The following ATXN7 variants were observed in gnomAD, a reference collection of about 807,000 sequenced individuals.
The protein encoded by ATXN7 is ataxin-7.
Under a neutral mutation model 70.5 loss-of-function variants are expected in ATXN7, and 12 were observed. The observed-to-expected ratio is 0.17, with a 90% CI of 0.11 to 0.28. The LOEUF (loss-of-function observed/expected upper bound fraction) is 0.28, where lower values mean the gene tolerates loss of function less well. Ranked by LOEUF, ATXN7 falls within the 10% of genes least tolerant of loss-of-function variation. The pLI is 1.00. For synonymous variants in ATXN7, 498 were observed against 448.7 expected (o/e 1.11, Z -1.39); for missense variants, 1,256 against 1,131.7 (o/e 1.11, Z -1.58).
At chr3:63,885,065 A>T (rs1575846470) in intron 1 of ATXN7, among the ~76,000 whole-genome samples, 1 of 152,280 alleles carries the variant, frequency 6.6e-6, no homozygotes, top group East Asian at 1.9e-4. Context: ...CTGGGCAGTG[A>T]CTTTTTGGAT....
At chr3:63,982,113 C>G (rs1366173649) in intron 6 of ATXN7, 73 bp from the exon 7 acceptor site, 1 of 1,597,856 alleles carries the variant, frequency 6.3e-7, no homozygotes, top group African/African-American at 1.3e-5. Flanking sequence ...TATCCTCATC[C>G]CTCTGGCTCA....
At chr3:63,951,744 A>G (rs2106657025) in intron 4 of ATXN7, among the ~76,000 whole-genome samples, 1 of 152,270 alleles carries the variant, frequency 6.6e-6, no homozygotes, top group South Asian at 2.1e-4. Context: ...TACTGTTAAA[A>G]CAAACAAACA....
chr3:64,002,191 T>C lies in ATXN7; in HGVS notation c.*2724T>C, dbSNP rs541274040. The C allele has an allele frequency of 4.6e-5, 7 of 152,696 alleles. No homozygotes were observed. The East Asian group carries it at 5.8e-4, about 13-fold the overall frequency. 9.5% of individuals were successfully genotyped at this position (152,696 alleles called of 1,614,324 possible). On this transcript the variant is annotated 3_prime_UTR_variant, in exon 13 of 13. Coordinates refer to ENST00000674280, the MANE Select transcript of ATXN7 (RefSeq NM_001377405.1). ...TTTGCACAGGTCTTTTTTTCTGATATCCTGTTTTGGTACAATTGAGATCAT... is the reference window on the plus strand; with the variant it reads ...TTTGCACAGGTCTTTTTTTCTGATACCCTGTTTTGGTACAATTGAGATCAT...
chr3:63,915,103 A>T (rs1704211132), intron 4 of ATXN7, among the ~76,000 whole-genome samples: 1 of 151,984 alleles, frequency 6.6e-6, no homozygotes, highest in Non-Finnish European at 1.5e-5. Flanking sequence ...CACCCAGCTA[A>T]TTTTTTGTGT....
intron 5 of ATXN7, among the ~76,000 whole-genome samples, chr3:63,955,306 C>T (rs560605938): frequency 2.0e-5 from 3 of 152,258 alleles, no homozygotes. Flanking sequence ...GCCAAGTGCT[C>T]TGAGAGAGGG....
rs562259734 is a variant in ATXN7 at position 63,899,347 on chromosome 3, C to T, written c.-12+850C>T. The stretch of plus-strand genomic sequence containing the variant: ...AAAGTGGTGGGATTTCAGGCATGAG[C>T]CACCAACGCCTGGCACATTAATGTT... On this transcript the variant is annotated intron_variant, in intron 2 of 12. Coordinates refer to ENST00000674280, the MANE Select transcript of ATXN7 (RefSeq NM_001377405.1). Among the ~76,000 whole-genome samples the T allele has an allele frequency of 2.5e-4, 38 of 152,228 alleles. 1 individual carries two copies. In the South Asian group the frequency reaches 7.7e-3, roughly 31 times the overall value.
chr3:63,993,162 A>G lies in ATXN7; in HGVS notation c.1682+2303A>G, dbSNP rs528155826. 6.2e-4 allele frequency among the ~76,000 whole-genome samples: 95 copies of G among 152,204 alleles called. 1 individual carries two copies. The highest frequency in any genetic ancestry group is 1.0e-4 in the Non-Finnish European group (7 of 68,016). On this transcript the variant is annotated intron_variant, in intron 11 of 12. Coordinates refer to ENST00000674280, the MANE Select transcript of ATXN7 (RefSeq NM_001377405.1). ...CAGCATGGCCATAACCTGAAAGGCCACTGCCCACCTTCTATGATTTCTGTG... is the reference window on the plus strand; with the variant it reads ...CAGCATGGCCATAACCTGAAAGGCCGCTGCCCACCTTCTATGATTTCTGTG...
At chr3:63,985,669 T>A (rs2075565779) in intron 8 of ATXN7, among the ~76,000 whole-genome samples, 1 of 152,206 alleles carries the variant, frequency 6.6e-6, no homozygotes, top group Non-Finnish European at 1.5e-5. Flanking sequence ...ACTCATTCTC[T>A]GTTGTCTGTC....
intron 4 of ATXN7, among the ~76,000 whole-genome samples, chr3:63,932,464 CTT>C (rs2074566209): frequency 2.0e-5 from 3 of 152,188 alleles, no homozygotes; most frequent in Admixed American, 2.0e-4. Context: ...GGGAGACAGA[CTT>C]TAGGACTTGA....
intron 5 of ATXN7, 27 bp from the exon 6 acceptor site, chr3:63,979,888 T>C: frequency 6.2e-7 from 1 of 1,610,746 alleles, no homozygotes; most frequent in Non-Finnish European, 8.5e-7. Context: ...AAACATGATG[T>C]CTTTTTTTCT....
intron 4 of ATXN7, among the ~76,000 whole-genome samples, chr3:63,928,266 A>G (rs1402852003): frequency 1.3e-5 from 2 of 152,212 alleles, no homozygotes; most frequent in African/African-American, 2.4e-5. Flanking sequence ...ATGCCACTGC[A>G]TTCCAGCCTG....
chr3:63,908,355 A>G (rs1460868034), intron 2 of ATXN7, among the ~76,000 whole-genome samples: 1 of 152,208 alleles, frequency 6.6e-6, no homozygotes, highest in African/African-American at 2.4e-5. Flanking sequence ...CTCTCTCTGG[A>G]GAAGAACGAG....
intron 2 of ATXN7, chr3:63,911,533 T>C (rs1243445495): frequency 6.6e-6 from 1 of 152,128 alleles, no homozygotes; most frequent in Non-Finnish European, 1.5e-5. Flanking sequence ...ATGAATCAGA[T>C]TTTTACTTTT....
chr3:63,998,325 C>G lies in ATXN7; in HGVS notation c.2662-1125C>G, dbSNP rs990248412. The G allele has an allele frequency of 8.1e-6, 8 of 985,018 alleles. No homozygotes were observed. In the African/African-American group the frequency reaches 1.1e-4, roughly 13 times the overall value. 61.0% of individuals were successfully genotyped at this position (985,018 alleles called of 1,614,324 possible). Reference sequence around the variant, plus strand: ...AAGAGAGGCTGCAGATCTGGACTTGCATGTGAAATTTAGTTGAGATATATG... The same window carrying G: ...AAGAGAGGCTGCAGATCTGGACTTGGATGTGAAATTTAGTTGAGATATATG... On this transcript the variant is annotated intron_variant, in intron 12 of 12. Coordinates refer to ENST00000674280, the MANE Select transcript of ATXN7 (RefSeq NM_001377405.1).
chr3:63,883,126 A>G (rs1702968594), intron 1 of ATXN7, among the ~76,000 whole-genome samples: 1 of 152,226 alleles, frequency 6.6e-6, no homozygotes, highest in Admixed American at 6.5e-5. Context: ...CTGGAAGGGA[A>G]AAATGGAAAC....
intron 1 of ATXN7, among the ~76,000 whole-genome samples, chr3:63,874,784 T>C (rs1702701056): frequency 6.6e-6 from 1 of 152,314 alleles, no homozygotes; most frequent in Admixed American, 6.5e-5. Context: ...TGTTCCCTAA[T>C]TGTAGTGACG....
chr3:63,943,723 A>G (rs2074809765), intron 4 of ATXN7, among the ~76,000 whole-genome samples: 1 of 152,198 alleles, frequency 6.6e-6, no homozygotes, highest in African/African-American at 2.4e-5. Flanking sequence ...TATTAGCTGC[A>G]GTAAAGAAGG....
At position 63,912,726 on chromosome 3, in the gene ATXN7, C is replaced by T. The variant is rs1369854864; in HGVS notation, c.128C>T (p.Pro43Leu). ...CAGCAGCAGCAGCAGCCGCCGCCTC[C>T]GCAGCCCCAGCGGCAGCAGCACCCG... ...QQQQQQQPPPPQPQRQQHPPP... is the reference protein window; with the variant it reads ...QQQQQQQPPPLQPQRQQHPPP... The change falls in exon 3 of 13, where the codon CCG (proline) becomes CTG (leucine). Residue 43 changes from proline (P) to leucine (L), a missense_variant. Physicochemically the swap from Pro to Leu is moderately conservative, Grantham distance 98. Transcript: ENST00000674280. The T allele has an allele frequency of 8.8e-6, 11 of 1,246,742 alleles. No homozygotes were observed. The highest frequency in any genetic ancestry group is 1.6e-5 in the African/African-American group (1 of 62,268). The allele number at this position is 1,246,742 out of a possible 1,614,324, so 77.2% of individuals were successfully genotyped here. A position where few individuals can be genotyped will look rare whatever the true frequency, so the allele number is the denominator to read the frequency against.
intron 1 of ATXN7, among the ~76,000 whole-genome samples, chr3:63,872,745 A>G (rs544271506): frequency 6.6e-6 from 1 of 152,352 alleles, no homozygotes; most frequent in South Asian, 2.1e-4. Context: ...TATAGTAACT[A>G]AACTCTGTTT....
Sources: allele counts gnomAD v4.1 joint callset (sites outside exome capture counted in the v4.1 genomes callset), GRCh38; gene constraint gnomAD v4.1.1; transcripts MANE v1.5; gene names NCBI Gene and HGNC (gene_info 2026-07-23, HGNC 2026-07-21).